Variants in SLC26A4 observed in about 807,000 individuals in gnomAD.
SLC26A4 encodes pendrin.
SLC26A4 carries 93 observed loss-of-function variants against 90.4 expected under a neutral mutation model. The observed-to-expected ratio is 1.03, with a 90% CI of 0.87 to 1.22. SLC26A4 has a LOEUF of 1.22. SLC26A4 is among the 50% of genes most tolerant of loss of function. SLC26A4 has a pLI of 0.00. For synonymous variants in SLC26A4, 393 were observed against 354.6 expected (o/e 1.11, Z -1.22); for missense variants, 1,127 against 946.2 (o/e 1.19, Z -2.51).
chr7:107,672,978 C>A (rs1285348927), intron 4 of SLC26A4, among the ~76,000 whole-genome samples: 1 of 152,220 alleles, frequency 6.6e-6, no homozygotes, highest in African/African-American at 2.4e-5. Context: ...GAAATAAATG[C>A]AACCATCTAC....
chr7:107,674,863 T>C, intron 5 of SLC26A4, 82 bp from the exon 6 acceptor site: 3 of 1,354,930 alleles, frequency 2.2e-6, no homozygotes, highest in Non-Finnish European at 3.2e-6. Flanking sequence ...TTCATTGGTA[T>C]TAAGCTTGAT....
chr7:107,680,308 C>CTTATCTTATATAATG (rs1200398959), intron 6 of SLC26A4, among the ~76,000 whole-genome samples: 1,362 of 92,856 alleles, frequency 0.015, 40 homozygotes, highest in Non-Finnish European at 0.02. Context: ...ATAATATAAT[C>CTTATCTTATATAATG]TTATATTATT....
intron 10 of SLC26A4, among the ~76,000 whole-genome samples, chr7:107,692,379 C>T (rs993418162): frequency 1.3e-5 from 2 of 152,142 alleles, no homozygotes; most frequent in Non-Finnish European, 2.9e-5. Flanking sequence ...TATGTTGGAA[C>T]TTCAGTTTCA....
At chr7:107,694,585 C>T (rs757589405) in intron 11 of SLC26A4, 36 bp from the exon 12 acceptor site, 1 of 1,569,738 alleles carries the variant, frequency 6.4e-7, no homozygotes, top group South Asian at 1.1e-5. Context: ...AAAACCATTC[C>T]CTGAATAACA....
intron 6 of SLC26A4, among the ~76,000 whole-genome samples, chr7:107,681,918 C>CT (rs1791240518): frequency 6.6e-6 from 1 of 151,508 alleles, no homozygotes; most frequent in Non-Finnish European, 1.5e-5. Flanking sequence ...ACACCATCCC[C>CT]TGCCCCCACC....
At position 107,715,674 on chromosome 7, in the gene SLC26A4, G is replaced by T; in HGVS notation, c.*228G>T. 1 of 582,590 alleles carries T rather than the reference G, an allele frequency of 1.7e-6. No individual in the cohort carries two copies. Among genetic ancestry groups the T allele is most frequent in the Non-Finnish European group, 3.1e-6 (1 of 326,496 alleles). 36.1% of individuals were successfully genotyped at this position (582,590 alleles called of 1,614,324 possible). ...ATTTGGCAGCGTCCAGGGTAAGCTG[G>T]TGTTATAATACGCTGCTGATCTACA... On this transcript the variant is annotated 3_prime_UTR_variant, in exon 21 of 21. Coordinates refer to ENST00000644269, the MANE Select transcript of SLC26A4 (RefSeq NM_000441.2).
intron 8 of SLC26A4, among the ~76,000 whole-genome samples, chr7:107,688,405 A>G (rs1791477364): frequency 6.6e-6 from 1 of 152,218 alleles, no homozygotes. Flanking sequence ...ACCTCGTGGT[A>G]TAATGTGTAG....
chr7:107,661,951 G>A lies in SLC26A4; in HGVS notation c.164+146G>A. On this transcript the variant is annotated intron_variant, in intron 2 of 20. Transcript: ENST00000644269. This position sits in a 1 kb window ranked among gnomAD's most constrained non-coding sequence, Gnocchi z 5.1. ...TGCTTCTCCCAGAGGCCCGACTTTC[G>A]GTCTCCGGTCCTCCACGCCGCCCTT... 1.2e-6 allele frequency: 1 copy of A among 864,646 alleles called. No homozygotes were observed. Among genetic ancestry groups the A allele is most frequent in the Non-Finnish European group, 1.7e-6 (1 of 578,302 alleles). The allele number at this position is 864,646 out of a possible 1,614,324, so 53.6% of individuals were successfully genotyped here. A position where few individuals can be genotyped will look rare whatever the true frequency, so the allele number is the denominator to read the frequency against.
chr7:107,667,646 G>A (rs1017384368), intron 3 of SLC26A4, among the ~76,000 whole-genome samples: 18 of 151,992 alleles, frequency 1.2e-4, no homozygotes, highest in East Asian at 1.2e-3. Flanking sequence ...ATACTAGAAC[G>A]TATTTGTGAA....
intron 6 of SLC26A4, among the ~76,000 whole-genome samples, chr7:107,682,290 G>C (rs913502365): frequency 1.2e-4 from 18 of 151,722 alleles, no homozygotes; most frequent in African/African-American, 3.9e-4. Flanking sequence ...TAACAAACCT[G>C]CACGTTGTGC....
chr7:107,701,749 C>G, intron 16 of SLC26A4, 78 bp from the exon 17 acceptor site: 2 of 992,220 alleles, frequency 2.0e-6, no homozygotes, highest in Non-Finnish European at 3.2e-6. Flanking sequence ...GTGTGTAGGT[C>G]TTTTGGATAA....
intron 13 of SLC26A4, among the ~76,000 whole-genome samples, 178 bp from the exon 14 acceptor site, chr7:107,697,864 G>T (rs904010715): frequency 6.6e-6 from 1 of 152,118 alleles, no homozygotes; most frequent in African/African-American, 2.4e-5. Context: ...CTCCCCTGCC[G>T]ATTCCACACA....
At chr7:107,698,151 C>A in intron 14 of SLC26A4, 40 bp downstream of exon 14, 1 of 1,336,728 alleles carries the variant, frequency 7.5e-7, no homozygotes, top group Non-Finnish European at 1.1e-6. Context: ...CTTGGGTTTA[C>A]TAGCCTGAAG....
Position 107,715,618 on chromosome 7 carries a change from C to T in SLC26A4, c.*172C>T. On this transcript the variant is annotated 3_prime_UTR_variant, in exon 21 of 21. Transcript: ENST00000644269. ...TATAAAATAAACACCTTATCCCTAACATGGGCAAAATGGCTAGAATTATTC... is the reference window on the plus strand; with the variant it reads ...TATAAAATAAACACCTTATCCCTAATATGGGCAAAATGGCTAGAATTATTC... The T allele has an allele frequency of 1.5e-6, 1 of 661,294 alleles. No individual in the cohort carries two copies. The allele number at this position is 661,294 out of a possible 1,614,324, so 41.0% of individuals were successfully genotyped here. A position where few individuals can be genotyped will look rare whatever the true frequency, so the allele number is the denominator to read the frequency against.
Position 107,716,961 on chromosome 7 carries a change from C to T in SLC26A4, c.*1515C>T, listed in dbSNP as rs1389243428. Reference sequence around the variant, plus strand: ...TAATGATCATACAAATGGGTTAATCCTGAATTCTGGTTGTAAATCTGGTTA... The same window carrying T: ...TAATGATCATACAAATGGGTTAATCTTGAATTCTGGTTGTAAATCTGGTTA... On this transcript the variant is annotated 3_prime_UTR_variant, in exon 21 of 21. Coordinates refer to ENST00000644269, the MANE Select transcript of SLC26A4 (RefSeq NM_000441.2). 6.6e-6 allele frequency: 1 copy of T among 152,096 alleles called. No homozygotes were observed. The highest frequency in any genetic ancestry group is 2.4e-5 in the African/African-American group (1 of 41,410). 9.4% of individuals were successfully genotyped at this position (152,096 alleles called of 1,614,324 possible).
At chr7:107,692,025 C>T in intron 10 of SLC26A4, 1 of 1,289,268 alleles carries the variant, frequency 7.8e-7, no homozygotes. Context: ...TGCTGATGTC[C>T]ATTCTCCTGA....
At chr7:107,700,958 C>T (rs1404443097) in intron 15 of SLC26A4, 143 bp from the exon 16 acceptor site, 16 of 647,978 alleles carry the variant, frequency 2.5e-5, no homozygotes, top group Non-Finnish European at 4.5e-5. Flanking sequence ...CAGAGATCTA[C>T]TCCATCAGAC....
At chr7:107,710,541 A>G (rs962896529) in intron 19 of SLC26A4, among the ~76,000 whole-genome samples, 6 of 152,216 alleles carry the variant, frequency 3.9e-5, no homozygotes, top group African/African-American at 1.4e-4. Flanking sequence ...GTGTACATAA[A>G]TTCCACTTAA....
At chr7:107,670,339 CCTCCTGAT>C (rs1790829618) in intron 3 of SLC26A4, among the ~76,000 whole-genome samples, 1 of 151,944 alleles carries the variant, frequency 6.6e-6, no homozygotes, top group Admixed American at 6.6e-5. Context: ...GAGCTCCTGA[CCTCCTGAT>C]CCACCCACTT....
Sources: gnomAD v4.1 joint callset for allele counts (sites outside exome capture counted in the v4.1 genomes callset) on GRCh38, gnomAD v4.1.1 for gene constraint, Gnocchi (gnomAD v3.1) non-coding constraint, MANE v1.5 for transcripts, NCBI Gene and HGNC (gene_info 2026-07-23, HGNC 2026-07-21) for gene names.